CDC42SE2: variants seen among roughly 807,000 people sequenced by gnomAD.
CDC42SE2 encodes CDC42 small effector 2.
In CDC42SE2, 3 loss-of-function variants were observed where a neutral mutation model predicts 11.5. The ratio of observed to expected loss-of-function variants is 0.26; its 90% CI spans 0.12 to 0.67. CDC42SE2 has a LOEUF of 0.67. Ranked by LOEUF, CDC42SE2 falls within the 30% of genes least tolerant of loss-of-function variation. CDC42SE2 has a pLI of 0.80. For missense variants in CDC42SE2, 82 were observed against 106.8 expected, an observed-to-expected ratio of 0.77 and a Z score of 1.02; for synonymous variants, 33 against 34.8, an observed-to-expected ratio of 0.95 and a Z score of 0.18.
chr5:131,321,717 T>TC lies in CDC42SE2; in HGVS notation c.-286+5580dup, dbSNP rs1242891826. ...AATGGTGGGAAACTTAATTCTATCT[T>TC]CCCCCCCGCCAAAATCATCAAGCGT... is the stretch of plus-strand genomic sequence containing the variant. On this transcript the variant is annotated intron_variant, in intron 2 of 4. Transcript: ENST00000505065. Among the ~76,000 whole-genome samples, 992 of 150,764 alleles carry TC rather than the reference T, an allele frequency of 6.6e-3. 11 individuals are homozygous for TC. The highest frequency in any genetic ancestry group is 0.021 in the African/African-American group (876 of 40,770).
In CDC42SE2 at chr5:131,382,328, A is replaced by G. The variant is rs1490229975; in HGVS notation, c.55-3215A>G. On this transcript the variant is annotated intron_variant, in intron 3 of 4. Transcript: ENST00000505065. ...ATACCCTTCTTTCACAAGCATATCT[A>G]TTCATTCTTTTTGGGTGAGATGGGT... is the stretch of plus-strand genomic sequence containing the variant. Among the ~76,000 whole-genome samples, 10 of 152,252 alleles carry G rather than the reference A, an allele frequency of 6.6e-5. No homozygotes were observed. The South Asian group carries it at 1.4e-3, about 22-fold the overall frequency.
At chr5:131,288,163 A>G (rs1276777209) in intron 1 of CDC42SE2, among the ~76,000 whole-genome samples, 1 of 151,992 alleles carries the variant, frequency 6.6e-6, no homozygotes, top group Non-Finnish European at 1.5e-5. Context: ...GGTTGAGGCT[A>G]CAGTGGGTCA....
intron 1 of CDC42SE2, among the ~76,000 whole-genome samples, chr5:131,252,205 C>A (rs1418525898): frequency 6.6e-6 from 1 of 152,018 alleles, no homozygotes; most frequent in Non-Finnish European, 1.5e-5. Flanking sequence ...TAAAGTAAAG[C>A]AAGACTATTT....
chr5:131,360,652 T>C (rs1749680464), intron 3 of CDC42SE2, among the ~76,000 whole-genome samples: 1 of 152,246 alleles, frequency 6.6e-6, no homozygotes, highest in Non-Finnish European at 1.5e-5. Context: ...GGATCAAATA[T>C]AATATCTTGG....
intron 1 of CDC42SE2, among the ~76,000 whole-genome samples, chr5:131,300,467 T>C (rs913433570): frequency 6.6e-6 from 1 of 152,038 alleles, no homozygotes; most frequent in African/African-American, 2.4e-5. Context: ...CTGGAACATA[T>C]CAAGATAGAG....
chr5:131,371,010 G>GGT (rs1253312756), intron 3 of CDC42SE2, among the ~76,000 whole-genome samples: 4 of 152,126 alleles, frequency 2.6e-5, no homozygotes, highest in Non-Finnish European at 4.4e-5. Flanking sequence ...GGTGAGACTA[G>GGT]GTAGTGCATT....
the CDC42SE2 span, among the ~76,000 whole-genome samples, chr5:131,234,090 G>A: frequency 2.0e-5 from 3 of 152,080 alleles, no homozygotes; most frequent in Non-Finnish European, 2.9e-5. Flanking sequence ...ATGAAATGAC[G>A]AAGTTTATTT....
rs146658798 is a variant in CDC42SE2, at chr5:131,274,378, A to G, written c.-455+10212A>G. Among the ~76,000 whole-genome samples, 631 of 152,314 alleles carry G rather than the reference A, an allele frequency of 4.1e-3. 6 individuals are homozygous for G. Among genetic ancestry groups the G allele is most frequent in the African/African-American group, 0.015 (611 of 41,576 alleles). ...CATACTCCCACATGTGATTCAAATA[A>G]TTAGCATGAAAACATGTCCCTTATC... On this transcript the variant is annotated intron_variant, in intron 1 of 4. Coordinates refer to ENST00000505065, the MANE Select transcript of CDC42SE2 (RefSeq NM_001375635.1).
At chr5:131,299,333 G>A (rs1757634025) in intron 1 of CDC42SE2, among the ~76,000 whole-genome samples, 1 of 152,134 alleles carries the variant, frequency 6.6e-6, no homozygotes. Context: ...CAGCTATTAT[G>A]GTATTCGTTG....
chr5:131,321,258 T>A (rs1758180716), intron 2 of CDC42SE2, among the ~76,000 whole-genome samples: 1 of 152,236 alleles, frequency 6.6e-6, no homozygotes, highest in African/African-American at 2.4e-5. Context: ...TTTGCAGTAC[T>A]GTAATAGTGA....
intron 1 of CDC42SE2, among the ~76,000 whole-genome samples, chr5:131,253,545 A>G (rs1257528377): frequency 1.3e-5 from 2 of 152,116 alleles, no homozygotes; most frequent in Non-Finnish European, 2.9e-5. Flanking sequence ...CGGGTTGATC[A>G]CCTGAGGTCA....
intron 1 of CDC42SE2, among the ~76,000 whole-genome samples, chr5:131,295,158 C>T (rs1757543060): frequency 6.6e-6 from 1 of 151,078 alleles, no homozygotes; most frequent in Middle Eastern, 3.2e-3. Flanking sequence ...AGGTGGGCAC[C>T]TGTAATCCTA....
At position 131,385,590 on chromosome 5, in the gene CDC42SE2, C is replaced by A. The variant is rs373897849; in HGVS notation, c.102C>A (p.Asn34Lys). 1 of 1,613,790 alleles carries A rather than the reference C, an allele frequency of 6.2e-7. No individual in the cohort carries two copies. Among genetic ancestry groups the A allele is most frequent in the African/African-American group, 1.3e-5 (1 of 74,910 alleles). ...IDRSMIGEPT[N>K]FVHTAHVGSG... ...GAAGTATGATTGGAGAGCCCACAAA[C>A]TTTGTGCATACAGCTCATGTTGGAT... The change falls in exon 4 of 5, where the codon AAC becomes AAA. Residue 34 changes from asparagine (N) to lysine (K), a missense_variant. By Grantham distance (94) the Asn-to-Lys change is moderately conservative. Transcript: ENST00000505065.
intron 3 of CDC42SE2, among the ~76,000 whole-genome samples, chr5:131,384,531 T>G (rs138113478): frequency 7.5e-4 from 114 of 152,270 alleles, no homozygotes; most frequent in South Asian, 6.4e-3. Flanking sequence ...CAGAGCCCCA[T>G]AGTAGGACAC....
At chr5:131,253,169 T>C (rs1280901186) in intron 1 of CDC42SE2, 1 of 152,020 alleles carries the variant, frequency 6.6e-6, no homozygotes, top group Non-Finnish European at 1.5e-5. Flanking sequence ...TAAAGAGCCA[T>C]ATCCTAAAAA....
chr5:131,266,386 A>G (rs2149689434), intron 1 of CDC42SE2, among the ~76,000 whole-genome samples: 1 of 150,786 alleles, frequency 6.6e-6, no homozygotes, highest in South Asian at 2.1e-4. Flanking sequence ...TACTTAATAC[A>G]TTGTTAAAGA....
At chr5:131,377,448 C>T (rs1580787110) in intron 3 of CDC42SE2, among the ~76,000 whole-genome samples, 1 of 152,122 alleles carries the variant, frequency 6.6e-6, no homozygotes, top group African/African-American at 2.4e-5. Context: ...GGCTTACAGG[C>T]GTGAGCCACC....
intron 1 of CDC42SE2, among the ~76,000 whole-genome samples, chr5:131,300,312 A>G (rs1330428551): frequency 6.6e-6 from 1 of 152,142 alleles, no homozygotes; most frequent in Non-Finnish European, 1.5e-5. Flanking sequence ...AGCAAGAGAG[A>G]GGTTGGAAAA....
At chr5:131,273,865 C>A (rs978000600) in intron 1 of CDC42SE2, among the ~76,000 whole-genome samples, 1 of 151,920 alleles carries the variant, frequency 6.6e-6, no homozygotes, top group East Asian at 1.9e-4. Flanking sequence ...GTGGCCTTGA[C>A]CTCCCGGGCT....
Sources: allele counts gnomAD v4.1 joint callset (sites outside exome capture counted in the v4.1 genomes callset), GRCh38; gene constraint gnomAD v4.1.1; transcripts MANE v1.5; gene names NCBI Gene and HGNC (gene_info 2026-07-23, HGNC 2026-07-21).